Variants in DISP3 observed in about 807,000 individuals in gnomAD.
The protein encoded by DISP3 is dispatched RND transporter family member 3.
Under a neutral mutation model 135.3 loss-of-function variants are expected in DISP3, and 101 were observed. The observed-to-expected ratio is 0.75, with a 90% CI of 0.64 to 0.88. DISP3 has a LOEUF of 0.88. DISP3 is among the 40% of genes least tolerant of loss of function. The pLI, the probability that DISP3 is intolerant of heterozygous loss-of-function variation, is 0.00. For synonymous variants in DISP3, 856 were observed against 817.0 expected, an observed-to-expected ratio of 1.05 and a Z score of -0.81; for missense variants, 1,713 against 1,878.6, an observed-to-expected ratio of 0.91 and a Z score of 1.63.
chr1:11,529,883 C>T lies in DISP3; in HGVS notation c.3026C>T (p.Ala1009Val). The T allele has an allele frequency of 6.2e-7, 1 of 1,614,052 alleles. No individual in the cohort carries two copies. Among genetic ancestry groups the T allele is most frequent in the Non-Finnish European group, 8.5e-7 (1 of 1,180,032 alleles). Residue 1009 changes from alanine (A) to valine (V), a missense_variant, in exon 15 of 21, where the codon GCC becomes GTC. Physicochemically the swap from Ala to Val is moderately conservative, Grantham distance 64. Around this residue, in one of 2 missense-constraint regions of DISP3, gnomAD observed 1,142 missense variants for 1,384.6 expected, o/e 0.82. Transcript: ENST00000294484. The surrounding 1 kb of genome is among the most constrained non-coding windows in gnomAD (Gnocchi z 4.7). ...GTGCGGCCACTAGTGGATACCGGGG[C>T]CATGGTCTTTGTGGTCTTCGGCATT... Reference protein sequence around the residue: ...PAVRPLVDTGAMVFVVFGIIG... With the variant: ...PAVRPLVDTGVMVFVVFGIIG...
Position 11,519,887 on chromosome 1 carries a change from G to A in DISP3, c.2200+7G>A. 6.2e-7 allele frequency: 1 copy of A among 1,603,260 alleles called. No homozygotes were observed. The highest frequency in any genetic ancestry group is 8.5e-7 in the Non-Finnish European group (1 of 1,175,358). On this transcript the variant is annotated splice_region_variant and intron_variant, in intron 9 of 20. Transcript: ENST00000294484. The surrounding 1 kb of genome is among the most constrained non-coding windows in gnomAD (Gnocchi z 4.3). ...AGCCGCTGGGTGATTGTGGGTAAGT[G>A]GGCCCTCCGGCCCTGCCCCCTGTCT...
rs963016573 is a variant in DISP3, at chr1:11,499,897, G to A, written c.-3-1093G>A. On this transcript the variant is annotated intron_variant, in intron 1 of 20. Coordinates refer to ENST00000294484, the MANE Select transcript of DISP3 (RefSeq NM_020780.2). The surrounding 1 kb of genome is among the most constrained non-coding windows in gnomAD (Gnocchi z 5.2). ...GGAAAGGCAGCATTAATTAGCTAGC[G>A]CTAGCACAATTAGCTTCCTCCTCTT... Among the ~76,000 whole-genome samples the A allele has an allele frequency of 2.0e-5, 3 of 152,220 alleles. No homozygotes were observed. The highest frequency in any genetic ancestry group is 7.2e-5 in the African/African-American group (3 of 41,456).
chr1:11,511,552 G>C (rs1423276162), intron 3 of DISP3, among the ~76,000 whole-genome samples: 1 of 152,216 alleles, frequency 6.6e-6, no homozygotes, highest in Non-Finnish European at 1.5e-5. Flanking sequence ...GGTTTCCATG[G>C]TCTTGGGCAG....
In DISP3 at chr1:11,534,497, C is replaced by T. The variant is rs202118260; in HGVS notation, c.3492C>T (p.Phe1164=). The change falls in exon 18 of 21, where the codon TTC becomes TTT. Residue 1164 remains phenylalanine, a synonymous_variant. Coordinates refer to ENST00000294484, the MANE Select transcript of DISP3 (RefSeq NM_020780.2). ...LPEGSVLRRG[F]QTCEHWKQIF... is the part of the protein sequence containing the mutation. ...AGGGCTCAGTCCTGCGCCGGGGCTT[C>T]CAGACCTGCGAGCACTGGAAGCAGA... 3.1e-6 allele frequency: 5 copies of T among 1,613,620 alleles called. No homozygotes were observed. The East Asian group carries it at 8.9e-5, about 29-fold the overall frequency.
rs1318487948 is a variant in DISP3 at position 11,491,671 on chromosome 1, G to T, written c.-3-9319G>T. ...CCTGGGCCCCACCTCCTCTGACCTG[G>T]AATCTGACCTAGAGTTTGCACTTTA... On this transcript the variant is annotated intron_variant, in intron 1 of 20. Transcript: ENST00000294484. The surrounding 1 kb of genome is among the most constrained non-coding windows in gnomAD (Gnocchi z 4.3). 6.6e-6 allele frequency among the ~76,000 whole-genome samples: 1 copy of T among 152,086 alleles called. No homozygotes were observed. The highest frequency in any genetic ancestry group is 1.5e-5 in the Non-Finnish European group (1 of 68,030).
Position 11,501,391 on chromosome 1 carries a change from G to T in DISP3, c.399G>T (p.Trp133Cys), listed in dbSNP as rs760299152. 22 of 1,604,714 alleles carry T rather than the reference G, an allele frequency of 1.4e-5. No individual in the cohort carries two copies. The South Asian group carries it at 2.2e-4, about 16-fold the overall frequency. The part of the protein sequence containing the change: ...TLALKSQFGS[W>C]GRNRRDLADF... ...CGCTTAAGTCCCAGTTTGGATCCTGGGGGCGGAACCGGCGCGATTTGGCCG... is the reference window on the plus strand; with the variant it reads ...CGCTTAAGTCCCAGTTTGGATCCTGTGGGCGGAACCGGCGCGATTTGGCCG... The change falls in exon 2 of 21, where the codon TGG becomes TGT. Residue 133 changes from tryptophan (W) to cysteine (C), a missense_variant. Coordinates refer to ENST00000294484, the MANE Select transcript of DISP3 (RefSeq NM_020780.2). The surrounding 1 kb of genome is among the most constrained non-coding windows in gnomAD (Gnocchi z 4.9).
At chr1:11,486,552 T>C (rs1641040265) in intron 1 of DISP3, among the ~76,000 whole-genome samples, 1 of 152,194 alleles carries the variant, frequency 6.6e-6, no homozygotes, top group South Asian at 2.1e-4. Context: ...GCCAGGAATC[T>C]GCAATGAACA....
In DISP3 at chr1:11,534,456, C is replaced by T; in HGVS notation, c.3451C>T (p.Leu1151=). The T allele has an allele frequency of 6.2e-7, 1 of 1,614,218 alleles. No homozygotes were observed. Residue 1151 remains leucine (L), a synonymous_variant, in exon 18 of 21, where the codon CTG becomes TTG. Transcript: ENST00000294484. The part of the protein sequence containing the change: ...LRWESFLQQQ[L]QALPEGSVLR... ...CTGGGAGAGCTTCCTCCAGCAGCAGCTGCAGGCCTTGCCCGAGGGCTCAGT... is the reference window on the plus strand; with the variant it reads ...CTGGGAGAGCTTCCTCCAGCAGCAGTTGCAGGCCTTGCCCGAGGGCTCAGT...
chr1:11,529,932 G>A lies in DISP3; in HGVS notation c.3075G>A (p.Gln1025=). 1 of 1,613,626 alleles carries A rather than the reference G, an allele frequency of 6.2e-7. No individual in the cohort carries two copies. Among genetic ancestry groups the A allele is most frequent in the African/African-American group, 1.3e-5 (1 of 75,076 alleles). Reference sequence around the variant, plus strand: ...TTATTGGCGTCAACCGCACTCGGCAGGTGGACAACCACGTCATTGGAGACC... The same window carrying A: ...TTATTGGCGTCAACCGCACTCGGCAAGTGGACAACCACGTCATTGGAGACC... ...FGIIGVNRTR[Q]VDNHVIGDPG... The change falls in exon 15 of 21, where the codon CAG becomes CAA. Residue 1025 remains glutamine, a synonymous_variant. Transcript: ENST00000294484. This position sits in a 1 kb window ranked among gnomAD's most constrained non-coding sequence, Gnocchi z 4.7.
In DISP3 at chr1:11,516,263, C is replaced by T. The variant is rs1024348871; in HGVS notation, c.1749+102C>T. 6 of 1,394,964 alleles carry T rather than the reference C, an allele frequency of 4.3e-6. No homozygotes were observed. Among genetic ancestry groups the T allele is most frequent in the Non-Finnish European group, 5.9e-6 (6 of 1,020,432 alleles). 86.4% of individuals were successfully genotyped at this position (1,394,964 alleles called of 1,614,324 possible). Reference sequence around the variant, plus strand: ...CACCACCGCTTGAGTGGCCATATAGCCTTCACCTCAAGGTACTTGCCCTGG... The same window carrying T: ...CACCACCGCTTGAGTGGCCATATAGTCTTCACCTCAAGGTACTTGCCCTGG... On this transcript the variant is annotated intron_variant, in intron 6 of 20. Transcript: ENST00000294484. The surrounding 1 kb of genome is among the most constrained non-coding windows in gnomAD (Gnocchi z 5.1).
At chr1:11,533,532 T>C in intron 17 of DISP3, 1 of 484,016 alleles carries the variant, frequency 2.1e-6, no homozygotes, top group Non-Finnish European at 3.7e-6. Flanking sequence ...GCGGGGATTA[T>C]AGGCGTGAGC....
chr1:11,519,656 G>A lies in DISP3; in HGVS notation c.2039-63G>A, dbSNP rs1323763602. The A allele has an allele frequency of 2.5e-6, 4 of 1,582,708 alleles. No homozygotes were observed. Among genetic ancestry groups the A allele is most frequent in the African/African-American group, 1.3e-5 (1 of 74,422 alleles). ...ACCAGGCATCTGGGCTTCCCTGGAA[G>A]CGAGCGTGGACCACAGTGGGCTTTG... On this transcript the variant is annotated intron_variant, in intron 8 of 20. Transcript: ENST00000294484. The surrounding 1 kb of genome is among the most constrained non-coding windows in gnomAD (Gnocchi z 4.3).
rs1641811283 is a variant in DISP3, at chr1:11,509,914, C to T, written c.1317-4476C>T. 2.0e-5 allele frequency among the ~76,000 whole-genome samples: 3 copies of T among 152,074 alleles called. No homozygotes were observed. The South Asian group carries it at 6.2e-4, about 32-fold the overall frequency. On this transcript the variant is annotated intron_variant, in intron 3 of 20. Transcript: ENST00000294484. ...AGGAAATCGAGACCAACATGGCTAA[C>T]ATGGTGAAACCCATGTTACTAAAAA...
At chr1:11,517,121 A>G (rs1182236177) in intron 6 of DISP3, among the ~76,000 whole-genome samples, 1 of 151,104 alleles carries the variant, frequency 6.6e-6, no homozygotes, top group East Asian at 2.1e-4. Context: ...GGCCTGGTCT[A>G]GCGGGATGTG....
Position 11,536,431 on chromosome 1 carries a change from C to G in DISP3, c.3924C>G (p.Phe1308Leu). The G allele has an allele frequency of 6.2e-7, 1 of 1,613,468 alleles. No homozygotes were observed. Among genetic ancestry groups the G allele is most frequent in the South Asian group, 1.1e-5 (1 of 91,092 alleles). ...LTTVIATVPL[F>L]FCIIAPFAKF... ...CGGTCATCGCCACAGTGCCCCTCTTCTTCTGCATCATCGCCCCATTTGCCA... is the reference window on the plus strand; with the variant it reads ...CGGTCATCGCCACAGTGCCCCTCTTGTTCTGCATCATCGCCCCATTTGCCA... The change falls in exon 21 of 21, where the codon TTC becomes TTG. Residue 1308 changes from phenylalanine (F) to leucine (L), a missense_variant. This residue lies in a region of DISP3 where 1,142 missense variants were observed against 1,384.6 expected (regional missense o/e 0.82). Coordinates refer to ENST00000294484, the MANE Select transcript of DISP3 (RefSeq NM_020780.2). This position sits in a 1 kb window ranked among gnomAD's most constrained non-coding sequence, Gnocchi z 4.3.
Position 11,531,656 on chromosome 1 carries a change from G to C in DISP3, c.3321G>C (p.Gly1107=). The C allele has an allele frequency of 6.2e-7, 1 of 1,613,044 alleles. No individual in the cohort carries two copies. Among genetic ancestry groups the C allele is most frequent in the Non-Finnish European group, 8.5e-7 (1 of 1,179,708 alleles). Residue 1107 remains glycine, a synonymous_variant, in exon 17 of 21, where the codon GGG becomes GGC. Transcript: ENST00000294484. This position sits in a 1 kb window ranked among gnomAD's most constrained non-coding sequence, Gnocchi z 5.2. ...TGCTCCCGGGGCAGCTGTCCCACGG[G>C]GCAGTGGGCGTCAGGGAGGGCCGCG... ...PNLLPGQLSH[G]AVGVREGRVQ... is the part of the protein sequence containing the mutation.
In DISP3 at chr1:11,535,085, C is replaced by T. The variant is rs1236319775; in HGVS notation, c.3610C>T (p.His1204Tyr). ...GGCCGCGGTGGCCGTGTTCACCACC[C>T]ACATCCTGCTCCTGCTGCCCGTGCT... ...CVAAVAVFTT[H>Y]ILLLLPVLLS... Residue 1204 changes from histidine (H) to tyrosine (Y), a missense_variant, in exon 19 of 21, where the codon CAC (histidine) becomes TAC (tyrosine). By Grantham distance (83) the His-to-Tyr change is moderately conservative. Around this residue, in one of 2 missense-constraint regions of DISP3, gnomAD observed 1,142 missense variants for 1,384.6 expected, o/e 0.82. Transcript: ENST00000294484. 1 of 1,609,278 alleles carries T rather than the reference C, an allele frequency of 6.2e-7. No individual in the cohort carries two copies. Among genetic ancestry groups the T allele is most frequent in the South Asian group, 1.1e-5 (1 of 89,874 alleles).
In DISP3 at chr1:11,525,224, C is replaced by T. The variant is rs753192804; in HGVS notation, c.2525C>T (p.Pro842Leu). ...TCTAAAGTGAAGAGTCAAGGCCACC[C>T]CGCTGTCTACAGGCTCTCCCTCAAT... ...YISKVKSQGHPAVYRLSLNAS... is the reference protein window; with the variant it reads ...YISKVKSQGHLAVYRLSLNAS... The change falls in exon 12 of 21, where the codon CCC (proline) becomes CTC (leucine). Residue 842 changes from proline to leucine, a missense_variant. Physicochemically the swap from Pro to Leu is moderately conservative, Grantham distance 98. This residue lies in a region of DISP3 where 1,142 missense variants were observed against 1,384.6 expected (regional missense o/e 0.82). Transcript: ENST00000294484. 1.9e-6 allele frequency: 3 copies of T among 1,613,972 alleles called. No homozygotes were observed. The highest frequency in any genetic ancestry group is 2.5e-6 in the Non-Finnish European group (3 of 1,179,970).
At chr1:11,486,047 T>A (rs1641028411) in intron 1 of DISP3, among the ~76,000 whole-genome samples, 1 of 152,190 alleles carries the variant, frequency 6.6e-6, no homozygotes. Context: ...TAGGGTGATG[T>A]GGGCTGACCA....
Sources: gnomAD v4.1 joint callset for allele counts (sites outside exome capture counted in the v4.1 genomes callset) on GRCh38, gnomAD v4.1.1 for gene constraint, gnomAD v4.1.1 regional missense constraint, Gnocchi (gnomAD v3.1) non-coding constraint, MANE v1.5 for transcripts, NCBI Gene and HGNC (gene_info 2026-07-23, HGNC 2026-07-21) for gene names.